IRAG2: variants seen among roughly 807,000 people sequenced by gnomAD.
IRAG2 encodes inositol 1,4,5-triphosphate receptor associated 2.
Under a neutral mutation model 69.9 loss-of-function variants are expected in IRAG2, and 45 were observed. That is an observed-to-expected ratio of 0.64 (90% CI 0.51 to 0.83). IRAG2 has a LOEUF of 0.83. Ranked by LOEUF, IRAG2 falls within the 40% of genes least tolerant of loss-of-function variation. The pLI is 0.00. For synonymous variants in IRAG2, 193 were observed against 202.4 expected (o/e 0.95, Z 0.40); for missense variants, 520 against 587.0 (o/e 0.89, Z 1.18).
At chr12:25,036,713 C>G (rs1349654877) in intron 15 of IRAG2, 1 of 398,496 alleles carries the variant, frequency 2.5e-6, no homozygotes, top group East Asian at 3.6e-5. Context: ...TTATGATTTT[C>G]CTGGTTTTTC....
chr12:25,053,520 G>A (rs1036650580), intron 1 of IRAG2, among the ~76,000 whole-genome samples: 1 of 151,796 alleles, frequency 6.6e-6, no homozygotes, highest in Non-Finnish European at 1.5e-5. Flanking sequence ...TGGAATATTT[G>A]TCATTTTTCT....
Position 25,108,310 on chromosome 12 carries a change from G to T in IRAG2, c.*250G>T, listed in dbSNP as rs1949367249. On this transcript the variant is annotated 3_prime_UTR_variant, in exon 22 of 22. Coordinates refer to ENST00000556887, the MANE Select transcript of IRAG2 (RefSeq NM_001366544.2). ...TATATATTGTTTGTTAAAGTTTATT[G>T]AAATAAAGAATCATTTAAATCTTCA... 1 of 541,428 alleles carries T rather than the reference G, an allele frequency of 1.8e-6. No homozygotes were observed. The highest frequency in any genetic ancestry group is 3.1e-6 in the Non-Finnish European group (1 of 318,930). 33.5% of individuals were successfully genotyped at this position (541,428 alleles called of 1,614,324 possible).
intron 9 of IRAG2, among the ~76,000 whole-genome samples, chr12:25,028,875 T>A (rs10842449): frequency 0.33 from 50,079 of 152,002 alleles, 8,855 homozygotes; most frequent in Admixed American, 0.48. Context: ...ATCAATTTTT[T>A]AAAAATTAAC....
chr12:25,103,657 T>C, intron 17 of IRAG2, 180 bp from the exon 18 acceptor site: 2 of 555,250 alleles, frequency 3.6e-6, no homozygotes, highest in South Asian at 5.0e-5. Flanking sequence ...AGGTGGAATA[T>C]AAATTGGTAA....
chr12:25,032,216 A>G (rs117433987), intron 11 of IRAG2: 6,878 of 399,044 alleles, frequency 0.017, 87 homozygotes, highest in South Asian at 0.039. Context: ...ACCTGTTATT[A>G]TTAATCTCAC....
exon 3 of IRAG2, chr12:25,011,485 C>T (rs747505559): frequency 8.9e-5 from 109 of 1,231,510 alleles, no homozygotes; most frequent in Admixed American, 1.7e-4. Flanking sequence ...AAGAGAGACC[C>T]ACATGTGGAC....
chr12:25,032,369 C>A (rs538160256), exon 12 of IRAG2: 1 of 398,934 alleles, frequency 2.5e-6, no homozygotes, highest in Non-Finnish European at 4.4e-6. Context: ...GCACTCATCA[C>A]GTAAGTAGAG....
rs1416100845 is a variant in IRAG2 at position 25,036,634 on chromosome 12, G to A, written c.1928G>A (p.Trp643Ter). The change falls in exon 15 of 39, where the codon TGG becomes TAG. Residue 643 changes from tryptophan (W) to a stop codon, truncating the protein, a stop_gained. Coordinates refer to the IRAG2 transcript ENST00000636465. LOFTEE classifies it high-confidence loss of function. ...ACCCTCATTGAAAACTCTCGACGGT[G>A]GGTAACTAATCCAGAAATTACTGTG... 5.0e-6 allele frequency: 2 copies of A among 398,744 alleles called. No individual in the cohort carries two copies. The highest frequency in any genetic ancestry group is 3.6e-5 in the East Asian group (1 of 28,046). 24.7% of individuals were successfully genotyped at this position (398,744 alleles called of 1,614,324 possible). A position where few individuals can be genotyped will look rare whatever the true frequency, so the allele number is the denominator to read the frequency against.
chr12:25,005,394 G>A, intron 2 of IRAG2: 2 of 877,188 alleles, frequency 2.3e-6, no homozygotes, highest in Non-Finnish European at 3.0e-6. Flanking sequence ...TGGTAGGACT[G>A]TCCAAGTCAT....
intron 6 of IRAG2, among the ~76,000 whole-genome samples, chr12:25,078,595 AAAAG>A (rs1234591395): frequency 1.3e-5 from 2 of 152,192 alleles, no homozygotes; most frequent in Non-Finnish European, 2.9e-5. Context: ...TATTTTTTGA[AAAAG>A]AAAGTTGTAC....
chr12:25,005,782 C>T (rs777683735), intron 2 of IRAG2, among the ~76,000 whole-genome samples: 7 of 152,006 alleles, frequency 4.6e-5, no homozygotes, highest in Non-Finnish European at 5.9e-5. Flanking sequence ...AATTTCCAGA[C>T]CTAAAACTAC....
chr12:25,077,276 A>AT lies in IRAG2; in HGVS notation c.25-1968_25-1967insT, dbSNP rs1565562861. Among the ~76,000 whole-genome samples, 91 of 15,152 alleles carry AT rather than the reference A, an allele frequency of 6.0e-3. 9 individuals are homozygous for AT. Among genetic ancestry groups the AT allele is most frequent in the African/African-American group, 0.014 (85 of 6,078 alleles). The allele number at this position is 15,152 out of a possible 152,430, so 9.9% of individuals were successfully genotyped here. Reference sequence around the variant, plus strand: ...ATGATATATATATGAAATATATATGAAATATATATGATATATATATGAAAT... The same window carrying AT: ...ATGATATATATATGAAATATATATGATAATATATATGATATATATATGAAAT... On this transcript the variant is annotated intron_variant, in intron 6 of 21. Coordinates refer to ENST00000556887, the MANE Select transcript of IRAG2 (RefSeq NM_001366544.2).
At chr12:25,030,301 C>A in exon 10 of IRAG2, 1 of 1,231,664 alleles carries the variant, frequency 8.1e-7, no homozygotes, top group Non-Finnish European at 1.0e-6. Context: ...CATATGAGAA[C>A]ACTTTGCTTA....
intron 2 of IRAG2, among the ~76,000 whole-genome samples, chr12:25,009,602 T>C (rs1224684686): frequency 1.3e-5 from 2 of 152,166 alleles, no homozygotes; most frequent in African/African-American, 2.4e-5. Context: ...TTATAAGGAA[T>C]TGGGTCATGC....
chr12:25,001,312 G>C (rs1000959295), upstream of IRAG2, among the ~76,000 whole-genome samples: 1 of 152,054 alleles, frequency 6.6e-6, no homozygotes, highest in Non-Finnish European at 1.5e-5. Context: ...AAGTGTGATG[G>C]TGCACGCCTG....
intron 6 of IRAG2, among the ~76,000 whole-genome samples, chr12:25,074,283 G>C (rs1168493996): frequency 6.6e-5 from 10 of 152,194 alleles, no homozygotes; most frequent in African/African-American, 2.4e-4. Context: ...GCAAGACACT[G>C]CCTCTCAATG....
chr12:25,027,369 A>AT (rs1944630617), intron 9 of IRAG2, among the ~76,000 whole-genome samples: 1 of 150,572 alleles, frequency 6.6e-6, no homozygotes, highest in Non-Finnish European at 1.5e-5. Context: ...CATCCATGAT[A>AT]TAGCATGTAT....
chr12:25,102,754 A>G (rs1221807616), intron 17 of IRAG2: 1 of 153,588 alleles, frequency 6.5e-6, no homozygotes, highest in East Asian at 1.9e-4. Flanking sequence ...GTTACGAATG[A>G]GACTGGAAAA....
At chr12:25,023,317 A>G (rs2139838385) in intron 7 of IRAG2, among the ~76,000 whole-genome samples, 1 of 152,318 alleles carries the variant, frequency 6.6e-6, no homozygotes, top group South Asian at 2.1e-4. Context: ...ATGCATATTA[A>G]CAAATAAAAA....
Sources: allele counts gnomAD v4.1 joint callset (sites outside exome capture counted in the v4.1 genomes callset), GRCh38; gene constraint gnomAD v4.1.1; transcripts MANE v1.5; gene names NCBI Gene and HGNC (gene_info 2026-07-23, HGNC 2026-07-21).